The following RALGPS2 variants were observed in gnomAD, a reference collection of about 807,000 sequenced individuals.
RALGPS2 encodes the protein ras-specific guanine nucleotide-releasing factor RalGPS2.
RALGPS2 carries 43 observed loss-of-function variants against 86.8 expected under a neutral mutation model. The observed-to-expected ratio is 0.50, with a 90% confidence interval of 0.39 to 0.64. The LOEUF is 0.64. Ranked by LOEUF, RALGPS2 falls within the 30% of genes least tolerant of loss-of-function variation. The pLI is 0.00. For synonymous variants in RALGPS2, 243 were observed against 231.3 expected, an observed-to-expected ratio of 1.05 and a Z score of -0.46; for missense variants, 536 against 694.6, an observed-to-expected ratio of 0.77 and a Z score of 2.57.
intron 1 of RALGPS2, among the ~76,000 whole-genome samples, chr1:178,767,576 A>G (rs991374996): frequency 6.6e-6 from 1 of 151,956 alleles, no homozygotes; most frequent in Non-Finnish European, 1.5e-5. Context: ...CTTGCCAGGT[A>G]AGCCCTATTC....
intron 8 of RALGPS2, among the ~76,000 whole-genome samples, chr1:178,834,064 A>G (rs920314987): frequency 1.3e-5 from 2 of 152,198 alleles, no homozygotes; most frequent in Non-Finnish European, 2.9e-5. Flanking sequence ...TCTTTATTAT[A>G]TATCTTGTAG....
chr1:178,858,244 A>T (rs1657727190), intron 8 of RALGPS2, among the ~76,000 whole-genome samples: 1 of 152,148 alleles, frequency 6.6e-6, no homozygotes, highest in African/African-American at 2.4e-5. Flanking sequence ...ATCCTAGCAG[A>T]AATATTTTCT....
intron 17 of RALGPS2, among the ~76,000 whole-genome samples, chr1:178,901,450 T>G (rs1018982697): frequency 2.0e-5 from 3 of 152,102 alleles, no homozygotes; most frequent in African/African-American, 7.2e-5. Context: ...TCTTAAGCAC[T>G]AGCTTAAGCC....
intron 1 of RALGPS2, among the ~76,000 whole-genome samples, chr1:178,736,559 C>T (rs551299116): frequency 2.0e-5 from 3 of 152,278 alleles, no homozygotes; most frequent in African/African-American, 7.2e-5. Context: ...CCTACCCATT[C>T]TTTTTGCTCA....
chr1:178,840,525 A>G (rs1656547380), intron 8 of RALGPS2, among the ~76,000 whole-genome samples: 1 of 152,210 alleles, frequency 6.6e-6, no homozygotes, highest in Non-Finnish European at 1.5e-5. Flanking sequence ...AATTTATAGC[A>G]CTAAATGCCC....
intron 15 of RALGPS2, among the ~76,000 whole-genome samples, chr1:178,893,437 A>G (rs1558174652): frequency 2.0e-5 from 3 of 150,646 alleles, no homozygotes; most frequent in Non-Finnish European, 3.0e-5. Flanking sequence ...TTTTAGAATT[A>G]AATTAAGCAT....
intron 1 of RALGPS2, among the ~76,000 whole-genome samples, chr1:178,737,383 T>G (rs1650769890): frequency 6.6e-6 from 1 of 152,074 alleles, no homozygotes; most frequent in African/African-American, 2.4e-5. Context: ...GTAGCTGGGA[T>G]TACAGGCGCC....
intron 1 of RALGPS2, among the ~76,000 whole-genome samples, chr1:178,766,495 C>T (rs1481782656): frequency 6.6e-6 from 1 of 151,962 alleles, no homozygotes; most frequent in Non-Finnish European, 1.5e-5. Context: ...TCTCAAAGTG[C>T]TGGGATTACA....
At position 178,919,227 on chromosome 1, in the gene RALGPS2, ATAT is replaced by A. The variant is rs1192100909; in HGVS notation, c.*2873_*2875del. The A allele has an allele frequency of 2.0e-5, 3 of 152,038 alleles. No homozygotes were observed. Among genetic ancestry groups the A allele is most frequent in the Non-Finnish European group, 2.9e-5 (2 of 67,904 alleles). 9.4% of individuals were successfully genotyped at this position (152,038 alleles called of 1,614,324 possible). On this transcript the variant is annotated 3_prime_UTR_variant, in exon 20 of 20. Transcript: ENST00000367635. ...CTATTTTGTTTTCTTCACTATGTAA[ATAT>A]TATTTGGGCAAACATTACAAAAAGG...
rs116630572 is a variant in RALGPS2 at position 178,892,611 on chromosome 1, A to G, written c.1325+304A>G. On this transcript the variant is annotated intron_variant, in intron 15 of 19. Coordinates refer to ENST00000367635, the MANE Select transcript of RALGPS2 (RefSeq NM_152663.5). ...AATGCTGATAGTTTTTGAATGAACA[A>G]TATAAAAATCTGCTTCTTTATTCAT... is the stretch of plus-strand genomic sequence containing the variant. 6.1e-3 allele frequency among the ~76,000 whole-genome samples: 930 copies of G among 152,254 alleles called. 11 individuals carry two copies. The highest frequency in any genetic ancestry group is 0.021 in the African/African-American group (875 of 41,558).
At chr1:178,910,731 T>C (rs1376009879) in intron 19 of RALGPS2, among the ~76,000 whole-genome samples, 1 of 152,184 alleles carries the variant, frequency 6.6e-6, no homozygotes, top group Non-Finnish European at 1.5e-5. Flanking sequence ...GTTTTTTCAT[T>C]GTATCTCTGC....
chr1:178,878,690 AT>A (rs2102365727), intron 9 of RALGPS2, among the ~76,000 whole-genome samples: 1 of 152,294 alleles, frequency 6.6e-6, no homozygotes, highest in Non-Finnish European at 1.5e-5. Context: ...TATTAAAAAA[AT>A]ACAACAATCT....
At chr1:178,874,791 G>A (rs1658926714) in intron 8 of RALGPS2, among the ~76,000 whole-genome samples, 1 of 152,050 alleles carries the variant, frequency 6.6e-6, no homozygotes, top group African/African-American at 2.4e-5. Flanking sequence ...CACATGTGTT[G>A]ATAATTTTTT....
intron 1 of RALGPS2, among the ~76,000 whole-genome samples, chr1:178,742,598 C>G (rs979151030): frequency 1.3e-5 from 2 of 152,142 alleles, no homozygotes; most frequent in Non-Finnish European, 2.9e-5. Flanking sequence ...ATACTGTCAA[C>G]CAATTTTACT....
rs1651425238 is a variant in RALGPS2 at position 178,747,836 on chromosome 1, T to G, written c.-84+22417T>G. Reference sequence around the variant, plus strand: ...CTGCACGATCCGCAGAGAGCCTATATTACATTAATCATAATGTTAATAGTT... The same window carrying G: ...CTGCACGATCCGCAGAGAGCCTATAGTACATTAATCATAATGTTAATAGTT... On this transcript the variant is annotated intron_variant, in intron 1 of 19. Transcript: ENST00000367635. The G allele has an allele frequency of 6.5e-6, 4 of 612,342 alleles. No homozygotes were observed. The South Asian group carries it at 7.6e-5, about 12-fold the overall frequency. The allele number at this position is 612,342 out of a possible 1,614,324, so 37.9% of individuals were successfully genotyped here.
At position 178,852,886 on chromosome 1, in the gene RALGPS2, T is replaced by C. The variant is rs766440885; in HGVS notation, c.607+19336T>C. 6.2e-6 allele frequency: 10 copies of C among 1,613,886 alleles called. No homozygotes were observed. In the East Asian group the frequency reaches 2.0e-4, roughly 32 times the overall value. ...TTCAATCAATAACTTGTAATTATCTTGATTGCTAAGCATATAGATATTTTC... is the reference window on the plus strand; with the variant it reads ...TTCAATCAATAACTTGTAATTATCTCGATTGCTAAGCATATAGATATTTTC... On this transcript the variant is annotated intron_variant, in intron 8 of 19. Transcript: ENST00000367635.
chr1:178,764,357 C>T, intron 1 of RALGPS2, among the ~76,000 whole-genome samples: 1 of 152,076 alleles, frequency 6.6e-6, no homozygotes, highest in East Asian at 1.9e-4. Flanking sequence ...TTGTGGGTGC[C>T]ATTGCATTTG....
At chr1:178,733,436 T>C (rs767998860) in intron 1 of RALGPS2, among the ~76,000 whole-genome samples, 1 of 152,156 alleles carries the variant, frequency 6.6e-6, no homozygotes, top group Non-Finnish European at 1.5e-5. Flanking sequence ...ATTCAGAAAA[T>C]GAATTGTTCA....
rs143289292 is a variant in RALGPS2, at chr1:178,740,792, C to T, written c.-84+15373C>T. Among the ~76,000 whole-genome samples, 183 of 152,234 alleles carry T rather than the reference C, an allele frequency of 1.2e-3. 1 individual carries two copies. Among genetic ancestry groups the T allele is most frequent in the Middle Eastern group, 3.4e-3 (1 of 294 alleles). On this transcript the variant is annotated intron_variant, in intron 1 of 19. Coordinates refer to ENST00000367635, the MANE Select transcript of RALGPS2 (RefSeq NM_152663.5). Reference sequence around the variant, plus strand: ...TGAGACTGCATTCATTCCTCCCCACCCCCAGGAAAGATTGTAGGCTTTGGT... The same window carrying T: ...TGAGACTGCATTCATTCCTCCCCACTCCCAGGAAAGATTGTAGGCTTTGGT...
Sources: gnomAD v4.1 joint callset for allele counts (sites outside exome capture counted in the v4.1 genomes callset) on GRCh38, gnomAD v4.1.1 for gene constraint, MANE v1.5 for transcripts, NCBI Gene and HGNC (gene_info 2026-07-23, HGNC 2026-07-21) for gene names.